The following WDR41 variants were observed in gnomAD, a reference collection of about 807,000 sequenced individuals.
WDR41 encodes the protein WD repeat domain 41.
A neutral mutation model predicts 69.3 loss-of-function variants in WDR41; 63 were observed. The ratio of observed to expected loss-of-function variants is 0.91; its 90% CI spans 0.74 to 1.12. The LOEUF is 1.12. WDR41 is among the 50% of genes most tolerant of loss of function. WDR41 has a pLI of 0.00. For missense variants in WDR41, 543 were observed against 534.5 expected (o/e 1.02, Z -0.16); for synonymous variants, 185 against 192.1 (o/e 0.96, Z 0.31).
intron 2 of WDR41, among the ~76,000 whole-genome samples, chr5:77,477,928 CA>C (rs1801025883): frequency 7.0e-6 from 1 of 143,042 alleles, no homozygotes; most frequent in South Asian, 2.3e-4. Context: ...AGACTGCTAG[CA>C]AGACTAATAA....
chr5:77,605,337 C>T (rs978150199), intron 1 of WDR41, among the ~76,000 whole-genome samples: 1 of 152,188 alleles, frequency 6.6e-6, no homozygotes, highest in African/African-American at 2.4e-5. Flanking sequence ...GGATTCTCAC[C>T]ATAAATCACT....
rs148407972 is a variant in WDR41, at chr5:77,489,282, C to T, written c.167+175G>A. ...ACCCTGACTTTGGGCAAAAAAGACT[C>T]TAGATACATATTTCATCGAGATGCA... On this transcript the variant is annotated intron_variant, in intron 2 of 12. Transcript: ENST00000296679. Among the ~76,000 whole-genome samples, 515 of 152,182 alleles carry T rather than the reference C, an allele frequency of 3.4e-3. 4 individuals carry two copies. Among genetic ancestry groups the T allele is most frequent in the African/African-American group, 0.012 (484 of 41,514 alleles).
At chr5:77,607,482 C>T (rs918709850) in intron 1 of WDR41, among the ~76,000 whole-genome samples, 5 of 152,190 alleles carry the variant, frequency 3.3e-5, no homozygotes, top group Admixed American at 6.5e-5. Context: ...CAGCTGGGTG[C>T]AGTGATAAGA....
chr5:77,435,182 G>A (rs1798892015), intron 12 of WDR41, among the ~76,000 whole-genome samples: 1 of 152,178 alleles, frequency 6.6e-6, no homozygotes, highest in Non-Finnish European at 1.5e-5. Context: ...TTAGAGGAAA[G>A]CAAAGATAAC....
chr5:77,473,816 G>A (rs1800749962), intron 2 of WDR41, among the ~76,000 whole-genome samples: 1 of 152,194 alleles, frequency 6.6e-6, no homozygotes, highest in Non-Finnish European at 1.5e-5. Flanking sequence ...AGAGGATGTG[G>A]AGAAACAGGA....
rs563741919 is a variant in WDR41, at chr5:77,475,476, C to G, written c.168-10667G>C. Among the ~76,000 whole-genome samples, 425 of 152,294 alleles carry G rather than the reference C, an allele frequency of 2.8e-3. 5 individuals carry two copies. The highest frequency in any genetic ancestry group is 9.9e-3 in the African/African-American group (412 of 41,554). ...TCCCAGCACGCAGCTGGAGATCTGA[C>G]AACGGGCAGACTGCCTCCTCAAGTG... On this transcript the variant is annotated intron_variant, in intron 2 of 12. Transcript: ENST00000296679.
chr5:77,582,034 A>AC (rs1412737402), intron 1 of WDR41, among the ~76,000 whole-genome samples: 1 of 152,058 alleles, frequency 6.6e-6, no homozygotes, highest in African/African-American at 2.4e-5. Context: ...TTAGAGAAAA[A>AC]ATCAATGAAA....
intron 1 of WDR41, among the ~76,000 whole-genome samples, chr5:77,525,938 C>A (rs543929571): frequency 2.0e-5 from 3 of 152,204 alleles, no homozygotes; most frequent in Admixed American, 2.0e-4. Flanking sequence ...GCCAGCACCA[C>A]CCTTAGCATT....
chr5:77,609,687 T>G, intron 1 of WDR41, among the ~76,000 whole-genome samples: 1 of 151,798 alleles, frequency 6.6e-6, no homozygotes, highest in East Asian at 1.9e-4. Flanking sequence ...CAAAAGTAGA[T>G]AAAACCACAA....
chr5:77,449,552 C>T (rs190478567), intron 8 of WDR41, among the ~76,000 whole-genome samples: 1 of 152,328 alleles, frequency 6.6e-6, no homozygotes, highest in Admixed American at 6.5e-5. Context: ...CTGCCTTACA[C>T]TATTTTCCTT....
intron 1 of WDR41, among the ~76,000 whole-genome samples, chr5:77,528,784 T>A (rs367719932): frequency 6.6e-6 from 1 of 151,634 alleles, no homozygotes. Context: ...AGAAAAATCA[T>A]ATTATCATTT....
intron 2 of WDR41, among the ~76,000 whole-genome samples, chr5:77,486,803 A>G (rs1023221030): frequency 3.9e-5 from 6 of 152,204 alleles, no homozygotes; most frequent in Non-Finnish European, 5.9e-5. Context: ...CACCCAGCTG[A>G]GCCTAGCCCG....
intron 8 of WDR41, among the ~76,000 whole-genome samples, chr5:77,442,296 G>A (rs533007892): frequency 1.7e-4 from 26 of 152,094 alleles, no homozygotes; most frequent in African/African-American, 4.3e-4. Flanking sequence ...ATTGAGAATT[G>A]AATAAGACAT....
At chr5:77,507,855 C>T (rs1802135730) in intron 1 of WDR41, among the ~76,000 whole-genome samples, 1 of 152,144 alleles carries the variant, frequency 6.6e-6, no homozygotes, top group Admixed American at 6.5e-5. Context: ...TTCCTCTCTT[C>T]TCCATTTGGA....
intron 1 of WDR41, among the ~76,000 whole-genome samples, chr5:77,594,944 G>A (rs1002840359): frequency 1.3e-5 from 2 of 152,202 alleles, no homozygotes; most frequent in Admixed American, 6.5e-5. Context: ...TAAAGAAGAC[G>A]TCTGTGGTTC....
intron 1 of WDR41, among the ~76,000 whole-genome samples, chr5:77,507,783 T>C (rs920010847): frequency 6.6e-6 from 1 of 152,218 alleles, no homozygotes; most frequent in African/African-American, 2.4e-5. Flanking sequence ...CTTTATTGCA[T>C]AATTTTTTAA....
At chr5:77,496,839 A>C (rs750756453), upstream of WDR41, among the ~76,000 whole-genome samples, 48 of 152,298 alleles carry the variant, frequency 3.2e-4, no homozygotes, top group Non-Finnish European at 5.9e-4. Context: ...TGGAGGACTC[A>C]CACTTCCCAA....
intron 1 of WDR41, among the ~76,000 whole-genome samples, chr5:77,511,263 A>G (rs894044082): frequency 1.3e-5 from 2 of 152,158 alleles, no homozygotes; most frequent in Non-Finnish European, 2.9e-5. Flanking sequence ...TTTTCAATAC[A>G]GGCCACTACA....
chr5:77,512,026 C>T (rs576489592), intron 1 of WDR41, among the ~76,000 whole-genome samples: 26 of 152,160 alleles, frequency 1.7e-4, no homozygotes, highest in African/African-American at 6.3e-4. Flanking sequence ...ATTGGGAATT[C>T]GTAGCCAGTA....
Sources: gnomAD v4.1 joint callset for allele counts (sites outside exome capture counted in the v4.1 genomes callset) on GRCh38, gnomAD v4.1.1 for gene constraint, MANE v1.5 for transcripts, NCBI Gene and HGNC (gene_info 2026-07-23, HGNC 2026-07-21) for gene names.